The following SLC37A2 variants were observed in gnomAD, a reference collection of about 807,000 sequenced individuals.
The protein encoded by SLC37A2 is glucose-6-phosphate exchanger SLC37A2.
SLC37A2 carries 59 observed loss-of-function variants against 70.7 expected under a neutral mutation model. That is an observed-to-expected ratio of 0.83 (90% CI 0.68 to 1.04). The LOEUF is 1.04. SLC37A2 is among the 50% of genes least tolerant of loss of function. The probability of loss-of-function intolerance (pLI) is 0.00; values close to 1 mark genes in which losing one functional copy is unlikely to be tolerated. For synonymous variants in SLC37A2, 257 were observed against 262.1 expected (o/e 0.98, Z 0.19); for missense variants, 580 against 658.1 (o/e 0.88, Z 1.30).
At chr11:125,077,206 C>T (rs749398411) in intron 2 of SLC37A2, 24 bp from the exon 3 acceptor site, 54 of 1,545,720 alleles carry the variant, frequency 3.5e-5, no homozygotes, top group Non-Finnish European at 3.8e-5. Flanking sequence ...AACCCCTGAC[C>T]TGTATGTCCC....
In SLC37A2 at chr11:125,076,824, A is replaced by G. The variant is rs778034288; in HGVS notation, c.127A>G (p.Ile43Val). ...CTGCTATCACATGTCCAGGAAGCCT[A>G]TCAGTATCGTCAAGGTGAGGCTGGC... is the stretch of plus-strand genomic sequence containing the variant. ...YACYHMSRKP[I>V]SIVKSRLHQN... Residue 43 changes from isoleucine to valine, a missense_variant, in exon 2 of 18, where the codon ATC (isoleucine) becomes GTC (valine). By Grantham distance (29) the Ile-to-Val change is conservative (BLOSUM62 3). Coordinates refer to ENST00000403796, the MANE Select transcript of SLC37A2 (RefSeq NM_001145290.2). The G allele has an allele frequency of 4.4e-5, 71 of 1,613,998 alleles. No homozygotes were observed. The highest frequency in any genetic ancestry group is 5.8e-5 in the Non-Finnish European group (69 of 1,180,018).
intron 1 of SLC37A2, among the ~76,000 whole-genome samples, chr11:125,064,469 C>G (rs1228766190): frequency 6.6e-6 from 1 of 152,132 alleles, no homozygotes; most frequent in Non-Finnish European, 1.5e-5. Flanking sequence ...AGGGCAGGTG[C>G]TATTAAAGTG....
chr11:125,072,195 G>C (rs576387756), intron 1 of SLC37A2, among the ~76,000 whole-genome samples: 1 of 152,226 alleles, frequency 6.6e-6, no homozygotes, highest in Admixed American at 6.5e-5. Flanking sequence ...ACTGCTTTGG[G>C]ACATGCCATT....
chr11:125,084,995 G>A (rs892165128), intron 13 of SLC37A2, 71 bp from the exon 14 acceptor site: 45 of 1,579,970 alleles, frequency 2.8e-5, no homozygotes, highest in Non-Finnish European at 2.4e-5. Flanking sequence ...AGGCTGGAGA[G>A]TGCTCCTGCC....
chr11:125,081,862 G>A lies in SLC37A2; in HGVS notation c.841G>A (p.Glu281Lys), dbSNP rs754905325. ...GGCCAAATGCTCCAAGGGGCCATGCGAAGAGCCTGCTGCCATCAGCTTCTT... is the reference window on the plus strand; with the variant it reads ...GGCCAAATGCTCCAAGGGGCCATGCAAAGAGCCTGCTGCCATCAGCTTCTT... The part of the protein sequence containing the change: ...TVAKCSKGPC[E>K]EPAAISFFGA... Residue 281 changes from glutamate (E) to lysine (K), a missense_variant, in exon 9 of 18, where the codon GAA becomes AAA. Glu to Lys is a moderately conservative substitution (Grantham distance 56). Coordinates refer to ENST00000403796, the MANE Select transcript of SLC37A2 (RefSeq NM_001145290.2). 25 of 1,613,728 alleles carry A rather than the reference G, an allele frequency of 1.5e-5. No individual in the cohort carries two copies. In the South Asian group the frequency reaches 1.9e-4, roughly 12 times the overall value.
chr11:125,079,822 C>G, intron 6 of SLC37A2, 62 bp downstream of exon 6: 1 of 1,275,134 alleles, frequency 7.8e-7, no homozygotes, highest in East Asian at 2.4e-5. Context: ...CTGAGCTGGT[C>G]ACCGTGGCCT....
intron 1 of SLC37A2, among the ~76,000 whole-genome samples, chr11:125,073,389 C>T (rs1275880348): frequency 1.3e-5 from 2 of 152,240 alleles, no homozygotes; most frequent in African/African-American, 2.4e-5. Context: ...AGCCACATCT[C>T]TACCTTCCAG....
At chr11:125,084,430 C>A in intron 12 of SLC37A2, 111 bp downstream of exon 12, 1 of 1,088,612 alleles carries the variant, frequency 9.2e-7, no homozygotes, top group Non-Finnish European at 1.4e-6. Flanking sequence ...GCTGTGTACG[C>A]GTGCACATGC....
Position 125,079,771 on chromosome 11 carries a change from CA to C in SLC37A2, c.527+13del. 1 of 1,600,120 alleles carries C rather than the reference CA, an allele frequency of 6.2e-7. No individual in the cohort carries two copies. The highest frequency in any genetic ancestry group is 1.1e-5 in the South Asian group (1 of 89,254). ...GTTCGGGAAGGGGAAGTGAGTGTAA[CA>C]AGGGAGGAGGAGTGGGAAGGATTGG... On this transcript the variant is annotated intron_variant, in intron 6 of 17. Transcript: ENST00000403796.
chr11:125,084,432 T>C, intron 12 of SLC37A2, 113 bp downstream of exon 12: 1 of 1,081,070 alleles, frequency 9.3e-7, no homozygotes, highest in Non-Finnish European at 1.4e-6. Context: ...TGTGTACGCG[T>C]GCACATGCAT....
intron 1 of SLC37A2, among the ~76,000 whole-genome samples, chr11:125,074,144 C>T (rs531279049): frequency 3.9e-5 from 6 of 152,180 alleles, no homozygotes; most frequent in Admixed American, 2.6e-4. Context: ...CCTTCGTGCA[C>T]GCTGCTTCCT....
rs376389731 is a variant in SLC37A2, at chr11:125,079,775, G to A, written c.527+15G>A. The A allele has an allele frequency of 1.7e-5, 27 of 1,597,246 alleles. No homozygotes were observed. In the African/African-American group the frequency reaches 3.6e-4, roughly 21 times the overall value. On this transcript the variant is annotated intron_variant, in intron 6 of 17. Coordinates refer to ENST00000403796, the MANE Select transcript of SLC37A2 (RefSeq NM_001145290.2). ...GGGAAGGGGAAGTGAGTGTAACAAG[G>A]GAGGAGGAGTGGGAAGGATTGGGAG...
At chr11:125,087,825 T>C in intron 17 of SLC37A2, 1 of 268,268 alleles carries the variant, frequency 3.7e-6, no homozygotes, top group East Asian at 8.4e-5. Context: ...AGAGACAGGG[T>C]TTCTCCATGT....
intron 1 of SLC37A2, among the ~76,000 whole-genome samples, chr11:125,066,211 G>A (rs1225867390): frequency 6.6e-6 from 1 of 152,200 alleles, no homozygotes; most frequent in African/African-American, 2.4e-5. Flanking sequence ...TCAGTACAGT[G>A]CTTTTCTGAG....
At chr11:125,070,023 G>C (rs1387332044) in intron 1 of SLC37A2, among the ~76,000 whole-genome samples, 1 of 152,216 alleles carries the variant, frequency 6.6e-6, no homozygotes, top group East Asian at 1.9e-4. Flanking sequence ...TGCTTATGGG[G>C]CTGGGCCCAT....
At position 125,089,353 on chromosome 11, in the gene SLC37A2, C is replaced by G. The variant is rs1949258665; in HGVS notation, c.*1219C>G. 6.4e-6 allele frequency: 1 copy of G among 155,346 alleles called. No homozygotes were observed. The highest frequency in any genetic ancestry group is 2.4e-5 in the African/African-American group (1 of 41,520). 9.6% of individuals were successfully genotyped at this position (155,346 alleles called of 1,614,324 possible). ...GTGCTGGCAGTCCTCACAGCCCTCG[C>G]TCGCTCTCGGCGCCTCCTCTGCCTG... is the stretch of plus-strand genomic sequence containing the variant. On this transcript the variant is annotated 3_prime_UTR_variant, in exon 18 of 18. Coordinates refer to ENST00000403796, the MANE Select transcript of SLC37A2 (RefSeq NM_001145290.2).
chr11:125,080,464 C>T lies in SLC37A2; in HGVS notation c.528-150C>T, dbSNP rs1187494011. On this transcript the variant is annotated intron_variant, in intron 6 of 17. Coordinates refer to ENST00000403796, the MANE Select transcript of SLC37A2 (RefSeq NM_001145290.2). The surrounding 1 kb of genome is among the most constrained non-coding windows in gnomAD (Gnocchi z 4.3). ...TTGACACCATCCAAGGTCTCCCACT[C>T]CTTGCTGACTTGGGGCTTTGGGGCT... The T allele has an allele frequency of 3.2e-6, 2 of 632,924 alleles. No individual in the cohort carries two copies. The highest frequency in any genetic ancestry group is 4.7e-6 in the Non-Finnish European group (2 of 422,754). 39.2% of individuals were successfully genotyped at this position (632,924 alleles called of 1,614,324 possible). A position where few individuals can be genotyped will look rare whatever the true frequency, so the allele number is the denominator to read the frequency against.
At position 125,063,542 on chromosome 11, in the gene SLC37A2, G is replaced by A; in HGVS notation, c.59+116G>A. On this transcript the variant is annotated intron_variant, in intron 1 of 17. Coordinates refer to ENST00000403796, the MANE Select transcript of SLC37A2 (RefSeq NM_001145290.2). The surrounding 1 kb of genome is among the most constrained non-coding windows in gnomAD (Gnocchi z 5.4). The stretch of plus-strand genomic sequence containing the variant: ...GGCCCCGGCGTCGCCGCGTGGCCAG[G>A]GGTGCTGGGGGGACTTGGTCCCGAG... 1 of 916,978 alleles carries A rather than the reference G, an allele frequency of 1.1e-6. No homozygotes were observed. Among genetic ancestry groups the A allele is most frequent in the Non-Finnish European group, 1.6e-6 (1 of 621,900 alleles). The allele number at this position is 916,978 out of a possible 1,614,324, so 56.8% of individuals were successfully genotyped here.
intron 12 of SLC37A2, 91 bp downstream of exon 12, chr11:125,084,410 C>T: frequency 3.1e-6 from 4 of 1,296,892 alleles, no homozygotes; most frequent in East Asian, 2.3e-5. Context: ...GCGTTACACA[C>T]ATTGATGTCG....
Sources: allele counts gnomAD v4.1 joint callset (sites outside exome capture counted in the v4.1 genomes callset), GRCh38; gene constraint gnomAD v4.1.1; non-coding constraint Gnocchi (gnomAD v3.1); transcripts MANE v1.5; gene names NCBI Gene and HGNC (gene_info 2026-07-23, HGNC 2026-07-21).